CYTH3: variants seen among roughly 807,000 people sequenced by gnomAD.
CYTH3 encodes the protein cytohesin-3.
CYTH3 carries 23 observed loss-of-function variants against 55.1 expected under a neutral mutation model. The ratio of observed to expected loss-of-function variants is 0.42; its 90% confidence interval spans 0.30 to 0.59. CYTH3 has a LOEUF of 0.59. Ranked by LOEUF, CYTH3 falls within the 20% of genes least tolerant of loss-of-function variation. CYTH3 has a pLI of 0.20. For synonymous variants in CYTH3, 249 were observed against 194.9 expected (o/e 1.28, Z -2.31); for missense variants, 413 against 524.8 (o/e 0.79, Z 2.08).
intron 1 of CYTH3, among the ~76,000 whole-genome samples, chr7:6,227,257 C>A (rs1267454560): frequency 6.6e-6 from 1 of 151,502 alleles, no homozygotes; most frequent in East Asian, 1.9e-4. Context: ...AAATTATATT[C>A]AAAGAAAAAC....
At chr7:6,188,518 C>T (rs1476271862) in intron 2 of CYTH3, among the ~76,000 whole-genome samples, 1 of 151,996 alleles carries the variant, frequency 6.6e-6, no homozygotes, top group African/African-American at 2.4e-5. Context: ...TCGGTGGTCT[C>T]AGGCTGAAGC....
intron 1 of CYTH3, among the ~76,000 whole-genome samples, chr7:6,239,455 G>C (rs754424179): frequency 2.0e-5 from 3 of 152,056 alleles, no homozygotes; most frequent in African/African-American, 4.8e-5. Flanking sequence ...TCTCTCCTAA[G>C]CTCCAAACCT....
At chr7:6,257,278 C>A (rs1780153588) in intron 1 of CYTH3, among the ~76,000 whole-genome samples, 1 of 152,218 alleles carries the variant, frequency 6.6e-6, no homozygotes, top group Non-Finnish European at 1.5e-5. Flanking sequence ...CACTAAAATT[C>A]TTCAATTTTC....
intron 1 of CYTH3, among the ~76,000 whole-genome samples, chr7:6,244,117 G>T (rs1431178814): frequency 2.6e-5 from 4 of 152,174 alleles, no homozygotes; most frequent in Non-Finnish European, 5.9e-5. Flanking sequence ...ATACAGAATT[G>T]CATCTTATGT....
chr7:6,252,612 T>C (rs1010910949), intron 1 of CYTH3, among the ~76,000 whole-genome samples: 4 of 152,106 alleles, frequency 2.6e-5, no homozygotes, highest in African/African-American at 9.7e-5. Context: ...ACCGGATACA[T>C]GAACAACAAC....
intron 1 of CYTH3, among the ~76,000 whole-genome samples, chr7:6,202,307 C>A (rs552113785): frequency 6.6e-6 from 1 of 152,170 alleles, no homozygotes; most frequent in Non-Finnish European, 1.5e-5. Context: ...AGGCCCCAGA[C>A]GAACGCGTAA....
chr7:6,170,292 T>G lies in CYTH3; in HGVS notation c.823+243A>C. 1 of 511,080 alleles carries G rather than the reference T, an allele frequency of 2.0e-6. No homozygotes were observed. Among genetic ancestry groups the G allele is most frequent in the Non-Finnish European group, 3.5e-6 (1 of 289,610 alleles). 31.7% of individuals were successfully genotyped at this position (511,080 alleles called of 1,614,324 possible). On this transcript the variant is annotated intron_variant, in intron 9 of 12. Coordinates refer to ENST00000350796, the MANE Select transcript of CYTH3 (RefSeq NM_004227.4). The surrounding 1 kb of genome is among the most constrained non-coding windows in gnomAD (Gnocchi z 7.8). ...GGATCTGGATGCTAACTCAGCAGTT[T>G]TCTGGGACGGGCCGTGCAGCCTGGG...
rs896049019 is a variant in CYTH3 at position 6,272,615 on chromosome 7, C to G, written c.-108G>C. The stretch of plus-strand genomic sequence containing the variant: ...CAGGCGACCGGGCGGCTCCTCAGCG[C>G]GCGGCCCGGGTCGCGGCCGGGCCTC... On this transcript the variant is annotated 5_prime_UTR_variant, in exon 1 of 13. Transcript: ENST00000350796. The G allele has an allele frequency of 1.3e-5, 11 of 863,434 alleles. No homozygotes were observed. Among genetic ancestry groups the G allele is most frequent in the Non-Finnish European group, 1.6e-5 (11 of 704,110 alleles). 53.5% of individuals were successfully genotyped at this position (863,434 alleles called of 1,614,324 possible). A position where few individuals can be genotyped will look rare whatever the true frequency, so the allele number is the denominator to read the frequency against.
chr7:6,251,871 G>T (rs750254646), intron 1 of CYTH3, among the ~76,000 whole-genome samples: 1 of 152,138 alleles, frequency 6.6e-6, no homozygotes, highest in African/African-American at 2.4e-5. Context: ...CAAACAGGAC[G>T]TCTGGCTACA....
chr7:6,191,591 CTT>C (rs1172231329), intron 1 of CYTH3, among the ~76,000 whole-genome samples: 4 of 105,056 alleles, frequency 3.8e-5, no homozygotes, highest in Non-Finnish European at 3.8e-5. Context: ...TAGGGAAGGA[CTT>C]TTTTTTTTTT....
rs537428706 is a variant in CYTH3, at chr7:6,270,969, G to T, written c.34+1505C>A. 4.1e-4 allele frequency among the ~76,000 whole-genome samples: 62 copies of T among 152,238 alleles called. No individual in the cohort carries two copies. In the South Asian group the frequency reaches 0.013, roughly 31 times the overall value. On this transcript the variant is annotated intron_variant, in intron 1 of 12. Transcript: ENST00000350796. The stretch of plus-strand genomic sequence containing the variant: ...AACTGCCAAGCCAGCTAGCTGCCTT[G>T]ACGCTAATGTCCAACGTCTGCATAT...
Position 6,164,683 on chromosome 7 carries a change from C to G in CYTH3, c.*261G>C, listed in dbSNP as rs1206668287. 1 of 535,994 alleles carries G rather than the reference C, an allele frequency of 1.9e-6. No individual in the cohort carries two copies. Among genetic ancestry groups the G allele is most frequent in the Non-Finnish European group, 3.3e-6 (1 of 300,612 alleles). The allele number at this position is 535,994 out of a possible 1,614,324, so 33.2% of individuals were successfully genotyped here. On this transcript the variant is annotated 3_prime_UTR_variant, in exon 13 of 13. Coordinates refer to ENST00000350796, the MANE Select transcript of CYTH3 (RefSeq NM_004227.4). ...GGACATGCGCAGCCGACCATGACCC[C>G]AGCCACGGCAGGAGGCCTCGAGGAT...
chr7:6,168,219 ATT>A (rs750700961), intron 9 of CYTH3, among the ~76,000 whole-genome samples: 138 of 121,594 alleles, frequency 1.1e-3, no homozygotes, highest in Middle Eastern at 9.2e-3. Flanking sequence ...ACCTCCTAGG[ATT>A]TTTTTTTTTT....
In CYTH3 at chr7:6,246,187, C is replaced by T. The variant is rs1008013592; in HGVS notation, c.34+26287G>A. On this transcript the variant is annotated intron_variant, in intron 1 of 12. Coordinates refer to ENST00000350796, the MANE Select transcript of CYTH3 (RefSeq NM_004227.4). ...CCTCAAACTCTTGAGCTCAAGTAAT[C>T]GTCCTGCCTCAGCCTCCTGAGTAGC... Among the ~76,000 whole-genome samples the T allele has an allele frequency of 4.6e-5, 7 of 151,554 alleles. No homozygotes were observed. In the East Asian group the frequency reaches 9.7e-4, roughly 21 times the overall value.
At position 6,170,818 on chromosome 7, in the gene CYTH3, C is replaced by T. The variant is rs757617135; in HGVS notation, c.711+12G>A. 52 of 1,606,600 alleles carry T rather than the reference C, an allele frequency of 3.2e-5. No individual in the cohort carries two copies. In the Middle Eastern group the frequency reaches 6.6e-4, roughly 20 times the overall value. Reference sequence around the variant, plus strand: ...CCTGCAGACGGCAGCGGCCGCGGGCCGGGGAGCTCACCCTCAGCAGCTCCT... The same window carrying T: ...CCTGCAGACGGCAGCGGCCGCGGGCTGGGGAGCTCACCCTCAGCAGCTCCT... On this transcript the variant is annotated intron_variant, in intron 8 of 12. Transcript: ENST00000350796. This position sits in a 1 kb window ranked among gnomAD's most constrained non-coding sequence, Gnocchi z 7.8.
At chr7:6,231,077 T>C (rs1779381803) in intron 1 of CYTH3, among the ~76,000 whole-genome samples, 2 of 152,212 alleles carry the variant, frequency 1.3e-5, no homozygotes, top group South Asian at 4.1e-4. Context: ...TCACCTGTAC[T>C]AACCCACGCC....
chr7:6,214,591 A>T (rs569922806), intron 1 of CYTH3, among the ~76,000 whole-genome samples: 36 of 152,330 alleles, frequency 2.4e-4, no homozygotes, highest in African/African-American at 7.5e-4. Flanking sequence ...GGTACCTAAG[A>T]GGGCCACATT....
intron 1 of CYTH3, among the ~76,000 whole-genome samples, chr7:6,262,658 C>T (rs184918316): frequency 5.9e-5 from 9 of 152,322 alleles, no homozygotes; most frequent in South Asian, 2.1e-4. Flanking sequence ...TCAACACCAG[C>T]CTGAGCAACA....
At chr7:6,185,662 T>C (rs1159982927) in intron 4 of CYTH3, among the ~76,000 whole-genome samples, 1 of 148,906 alleles carries the variant, frequency 6.7e-6, no homozygotes, top group East Asian at 2.0e-4. Context: ...ATCGCACCAC[T>C]GCACTCCAGC....
Sources: allele counts gnomAD v4.1 joint callset (sites outside exome capture counted in the v4.1 genomes callset), GRCh38; gene constraint gnomAD v4.1.1; non-coding constraint Gnocchi (gnomAD v3.1); transcripts MANE v1.5; gene names NCBI Gene and HGNC (gene_info 2026-07-23, HGNC 2026-07-21).